DGKB: variants seen among roughly 807,000 people sequenced by gnomAD.
The protein encoded by DGKB is diacylglycerol kinase beta, also known as 90 kDa diacylglycerol kinase.
A neutral mutation model predicts 114.3 loss-of-function variants in DGKB; 67 were observed. The observed-to-expected ratio is 0.59, with a 90% CI of 0.48 to 0.72. The LOEUF (loss-of-function observed/expected upper bound fraction) is 0.72. Among genes scored for constraint, DGKB ranks in the 30% least tolerant of loss-of-function variants. The pLI is 0.00. For synonymous variants in DGKB, 398 were observed against 323.1 expected, an observed-to-expected ratio of 1.23 and a Z score of -2.49; for missense variants, 907 against 975.2, an observed-to-expected ratio of 0.93 and a Z score of 0.93.
chr7:14,620,726 T>A (rs1807467531), intron 15 of DGKB, among the ~76,000 whole-genome samples: 1 of 151,826 alleles, frequency 6.6e-6, no homozygotes, highest in South Asian at 2.1e-4. Flanking sequence ...GTAAATGTTA[T>A]ACATTCACCC....
chr7:14,304,643 C>T (rs918020443), intron 23 of DGKB, among the ~76,000 whole-genome samples: 1 of 152,054 alleles, frequency 6.6e-6, no homozygotes, highest in African/African-American at 2.4e-5. Context: ...ATTTAGTGTC[C>T]AGTAGCATGT....
chr7:14,560,210 G>C (rs1796452767), intron 20 of DGKB, among the ~76,000 whole-genome samples: 1 of 151,650 alleles, frequency 6.6e-6, no homozygotes, highest in African/African-American at 2.4e-5. Flanking sequence ...CACAACATCA[G>C]AACTTAGGAC....
chr7:14,165,309 T>C (rs1298810367), intron 25 of DGKB, among the ~76,000 whole-genome samples: 1 of 152,182 alleles, frequency 6.6e-6, no homozygotes, highest in East Asian at 1.9e-4. Context: ...TTTAATAAAA[T>C]GGCTGAGATT....
At chr7:14,567,807 A>C (rs1364253407) in intron 20 of DGKB, among the ~76,000 whole-genome samples, 1 of 151,392 alleles carries the variant, frequency 6.6e-6, no homozygotes, top group Non-Finnish European at 1.5e-5. Context: ...CGGTTTTACC[A>C]TGTTGACCAG....
chr7:14,498,868 G>C (rs934631057), intron 20 of DGKB, among the ~76,000 whole-genome samples: 26 of 151,628 alleles, frequency 1.7e-4, no homozygotes, highest in Non-Finnish European at 5.9e-5. Flanking sequence ...GATTATATTT[G>C]GTAAGGAAGG....
intron 1 of DGKB, among the ~76,000 whole-genome samples, chr7:14,930,434 T>A (rs142123693): frequency 6.6e-6 from 1 of 152,276 alleles, no homozygotes; most frequent in East Asian, 1.9e-4. Context: ...TTATTCCTTG[T>A]TTGAATATAT....
intron 14 of DGKB, among the ~76,000 whole-genome samples, chr7:14,625,998 C>T (rs1808505047): frequency 1.3e-5 from 2 of 151,892 alleles, no homozygotes; most frequent in Admixed American, 1.3e-4. Flanking sequence ...GAATAATCAT[C>T]ATCATAAACA....
At chr7:14,955,264 G>A (rs1786435270) in intron 1 of DGKB, among the ~76,000 whole-genome samples, 1 of 152,016 alleles carries the variant, frequency 6.6e-6, no homozygotes, top group African/African-American at 2.4e-5. Flanking sequence ...GTTTCACAGT[G>A]AATAAGAGAA....
intron 20 of DGKB, among the ~76,000 whole-genome samples, chr7:14,486,954 A>G (rs1242374617): frequency 6.6e-6 from 1 of 152,244 alleles, no homozygotes; most frequent in East Asian, 1.9e-4. Flanking sequence ...TTAAATCTAT[A>G]GATTTAATTT....
rs574325857 is a variant in DGKB at position 14,881,306 on chromosome 7, T to C, written c.-188+21286A>G. Among the ~76,000 whole-genome samples the C allele has an allele frequency of 1.1e-4, 16 of 152,326 alleles. No homozygotes were observed. In the East Asian group the frequency reaches 2.9e-3, roughly 28 times the overall value. On this transcript the variant is annotated intron_variant, in intron 1 of 25. Coordinates refer to ENST00000402815, the MANE Select transcript of DGKB (RefSeq NM_001350709.2). ...CTATAAATTGATTGCTCTTATTCTG[T>C]TGAATTATTTCCATAGTCCTGTCAC... is the stretch of plus-strand genomic sequence containing the variant.
chr7:14,856,014 CA>C (rs1850098150), intron 1 of DGKB, among the ~76,000 whole-genome samples: 1 of 32,960 alleles, frequency 3.0e-5, no homozygotes, highest in African/African-American at 2.7e-4. Flanking sequence ...CACACACACA[CA>C]CACACATAAT....
At chr7:14,245,153 T>G (rs553041508) in intron 23 of DGKB, among the ~76,000 whole-genome samples, 1 of 151,756 alleles carries the variant, frequency 6.6e-6, no homozygotes, top group African/African-American at 2.4e-5. Flanking sequence ...TAGGGAAATG[T>G]GCATATGTAC....
intron 20 of DGKB, among the ~76,000 whole-genome samples, chr7:14,558,872 C>G (rs149807834): frequency 6.6e-6 from 1 of 152,310 alleles, no homozygotes; most frequent in South Asian, 2.1e-4. Context: ...GGGGAGAAAT[C>G]CCTGCCTGAA....
Position 14,685,281 on chromosome 7 carries a change from G to A in DGKB, c.793C>T (p.Leu265=). ...AGGCCCTGCTTCCCCACGCCAATCA[G>A]CATGTTCAGGCAAAGGTTGCAATAG... ...PAYCNLCLNM[L]IGVGKQGLCC... Residue 265 remains leucine, a synonymous_variant, in exon 10 of 26, where the codon CTG becomes TTG. Transcript: ENST00000402815. 6.2e-7 allele frequency: 1 copy of A among 1,613,720 alleles called. No individual in the cohort carries two copies. The highest frequency in any genetic ancestry group is 8.5e-7 in the Non-Finnish European group (1 of 1,179,672).
intron 25 of DGKB, 34 bp downstream of exon 25, chr7:14,176,805 G>C: frequency 6.3e-7 from 1 of 1,588,636 alleles, no homozygotes; most frequent in South Asian, 1.1e-5. Context: ...GCAAAACTGA[G>C]ATTGACATAG....
intron 23 of DGKB, among the ~76,000 whole-genome samples, chr7:14,331,314 G>A (rs1043927277): frequency 2.0e-5 from 3 of 151,934 alleles, no homozygotes; most frequent in African/African-American, 2.4e-5. Context: ...GTGTAATAAT[G>A]CTGCATGAAA....
At chr7:14,309,973 A>G (rs891417714) in intron 23 of DGKB, among the ~76,000 whole-genome samples, 2 of 152,126 alleles carry the variant, frequency 1.3e-5, no homozygotes, top group African/African-American at 4.8e-5. Context: ...TTAAGATTTA[A>G]AATCCTGGCA....
chr7:14,418,392 T>TATGTGTGTACATATATATATACAC (rs1554421158), intron 21 of DGKB, among the ~76,000 whole-genome samples: 1 of 137,076 alleles, frequency 7.3e-6, no homozygotes, highest in Non-Finnish European at 1.5e-5. Context: ...TATATATATA[T>TATGTGTGTACATATATATATACAC]ACACACACAC....
intron 25 of DGKB, among the ~76,000 whole-genome samples, chr7:14,167,135 C>T (rs540200856): frequency 2.1e-4 from 30 of 143,278 alleles, no homozygotes; most frequent in African/African-American, 6.8e-4. Context: ...TGCTTGAACC[C>T]GGGAGGCGGA....
Sources: allele counts gnomAD v4.1 joint callset (sites outside exome capture counted in the v4.1 genomes callset), GRCh38; gene constraint gnomAD v4.1.1; transcripts MANE v1.5; gene names NCBI Gene and HGNC (gene_info 2026-07-23, HGNC 2026-07-21).